TRPM1: variants seen among roughly 807,000 people sequenced by gnomAD.
TRPM1 encodes the protein transient receptor potential cation channel subfamily M member 1, also known as TRPM1-203 APA Isoform, Intron 10.
A neutral mutation model predicts 149.4 loss-of-function variants in TRPM1; 113 were observed. The ratio of observed to expected loss-of-function variants is 0.76; its 90% CI spans 0.65 to 0.88. The LOEUF is 0.88. Ranked by LOEUF, TRPM1 falls within the 40% of genes least tolerant of loss-of-function variation. The pLI, the probability that TRPM1 is intolerant of heterozygous loss-of-function variation, is 0.00. For synonymous variants in TRPM1, 741 were observed against 759.5 expected (o/e 0.98, Z 0.40); for missense variants, 1,976 against 2,038.7 (o/e 0.97, Z 0.59).
intron 20 of TRPM1, chr15:31,035,880 G>A (rs973219609): frequency 7.6e-6 from 5 of 657,586 alleles, no homozygotes; most frequent in African/African-American, 3.6e-5. Flanking sequence ...ACTTCAGCAC[G>A]ATATGGGCCC....
chr15:31,079,164 C>A (rs1398491703), intron 2 of TRPM1, among the ~76,000 whole-genome samples: 1 of 152,186 alleles, frequency 6.6e-6, no homozygotes, highest in East Asian at 1.9e-4. Context: ...CCTGTCTATA[C>A]ATATACACAT....
rs1047317832 is a variant in TRPM1, at chr15:31,041,886, C to T, written c.2087+65G>A. On this transcript the variant is annotated intron_variant, in intron 17 of 27. Coordinates refer to ENST00000256552, the MANE Select transcript of TRPM1 (RefSeq NM_001252024.2). Reference sequence around the variant, plus strand: ...GTGAGAAGTACATTGGCCACCCCTCCCTGCAGAGACAAGTACTCAGGATGG... The same window carrying T: ...GTGAGAAGTACATTGGCCACCCCTCTCTGCAGAGACAAGTACTCAGGATGG... 2.5e-6 allele frequency: 4 copies of T among 1,579,522 alleles called. No homozygotes were observed. The South Asian group carries it at 4.4e-5, about 17-fold the overall frequency.
intron 1 of TRPM1, among the ~76,000 whole-genome samples, chr15:31,113,697 A>C (rs1366857505): frequency 6.6e-6 from 1 of 152,012 alleles, no homozygotes; most frequent in African/African-American, 2.4e-5. Context: ...CTGTGCCCAT[A>C]GTTAGTTCAT....
intron 1 of TRPM1, among the ~76,000 whole-genome samples, chr15:31,085,752 G>A (rs1286956329): frequency 6.6e-6 from 1 of 152,150 alleles, no homozygotes; most frequent in Non-Finnish European, 1.5e-5. Context: ...AGTCAATTAG[G>A]AGAACAAAAC....
intron 1 of TRPM1, among the ~76,000 whole-genome samples, chr15:31,095,005 T>C (rs571481078): frequency 7.2e-5 from 11 of 152,370 alleles, no homozygotes; most frequent in African/African-American, 2.6e-4. Flanking sequence ...TTGTGGTATA[T>C]GTTATACAAA....
chr15:31,148,541 G>A (rs1444366477), intron 1 of TRPM1, among the ~76,000 whole-genome samples: 3 of 152,214 alleles, frequency 2.0e-5, no homozygotes, highest in Non-Finnish European at 4.4e-5. Flanking sequence ...CTCAGTGGAG[G>A]AGTGGCTTTG....
chr15:31,068,676 G>A (rs780737284), intron 4 of TRPM1, among the ~76,000 whole-genome samples: 25 of 149,316 alleles, frequency 1.7e-4, no homozygotes, highest in African/African-American at 4.7e-4. Flanking sequence ...CCTGGGAGGC[G>A]GAGGTTGCAG....
chr15:31,065,372 A>G (rs1197906981), intron 7 of TRPM1, among the ~76,000 whole-genome samples: 1 of 152,204 alleles, frequency 6.6e-6, no homozygotes, highest in African/African-American at 2.4e-5. Flanking sequence ...CTTGCCAGTA[A>G]TGGGAAAAAC....
intron 1 of TRPM1, among the ~76,000 whole-genome samples, chr15:31,143,173 A>G (rs1260771848): frequency 1.3e-5 from 2 of 152,226 alleles, no homozygotes; most frequent in Non-Finnish European, 2.9e-5. Flanking sequence ...GAAGTCTAAC[A>G]AGTATAGGCT....
upstream of TRPM1, among the ~76,000 whole-genome samples, chr15:31,104,777 A>G (rs563869470): frequency 1.6e-4 from 25 of 151,650 alleles, no homozygotes; most frequent in South Asian, 3.6e-3. Flanking sequence ...TGTATTTTTA[A>G]TAGAGACTGG....
intron 1 of TRPM1, among the ~76,000 whole-genome samples, chr15:31,143,507 T>C (rs12148297): frequency 0.17 from 25,507 of 151,954 alleles, 2,609 homozygotes; most frequent in African/African-American, 0.29. Flanking sequence ...CTGTAACCTC[T>C]GCCTCCAAGC....
intron 27 of TRPM1, among the ~76,000 whole-genome samples, chr15:31,005,639 T>G (rs1344287425): frequency 6.6e-6 from 1 of 152,218 alleles, no homozygotes; most frequent in Non-Finnish European, 1.5e-5. Flanking sequence ...AGCTACAACG[T>G]GGATACAGCA....
chr15:31,135,031 C>T (rs1446429177), intron 1 of TRPM1, among the ~76,000 whole-genome samples: 1 of 152,122 alleles, frequency 6.6e-6, no homozygotes, highest in Non-Finnish European at 1.5e-5. Context: ...GGCTCAACTC[C>T]CTGGTTATCC....
intron 1 of TRPM1, among the ~76,000 whole-genome samples, chr15:31,112,883 A>C (rs562464149): frequency 6.6e-6 from 1 of 152,294 alleles, no homozygotes; most frequent in African/African-American, 2.4e-5. Flanking sequence ...GCATTCCTCA[A>C]ACTCATTTGC....
intron 27 of TRPM1, among the ~76,000 whole-genome samples, chr15:31,010,611 T>C (rs1396800466): frequency 1.3e-5 from 2 of 152,242 alleles, no homozygotes; most frequent in African/African-American, 4.8e-5. Flanking sequence ...TAATTTATCA[T>C]TTTATTTTGT....
Position 31,050,567 on chromosome 15 carries a change from C to G in TRPM1, c.1279G>C (p.Ala427Pro). Residue 427 changes from alanine (A) to proline (P), a missense_variant, in exon 12 of 28, where the codon GCA becomes CCA. This residue lies in a region of TRPM1 where 1,332 missense variants were observed against 1,347.1 expected (regional missense o/e 0.99). Transcript: ENST00000256552. ...GTGGCTTTGCTGTCCGTCGGGGGTG[C>G]CAGGCTTCCCAGGGGCTGCAGTCCA... ...GPHWPPLGSL[A>P]PPTDSKATEK... The G allele has an allele frequency of 1.2e-6, 2 of 1,614,072 alleles. No homozygotes were observed.
chr15:31,126,363 G>A (rs1342111280), intron 1 of TRPM1, among the ~76,000 whole-genome samples: 1 of 152,190 alleles, frequency 6.6e-6, no homozygotes, highest in Non-Finnish European at 1.5e-5. Flanking sequence ...GGAAGCCACT[G>A]CGAAACTCCC....
At chr15:31,096,310 A>T (rs1002629124) in intron 1 of TRPM1, among the ~76,000 whole-genome samples, 2 of 152,204 alleles carry the variant, frequency 1.3e-5, no homozygotes, top group Non-Finnish European at 2.9e-5. Context: ...CTATGTGCAG[A>T]CATCTTATAC....
intron 27 of TRPM1, among the ~76,000 whole-genome samples, chr15:31,014,149 G>A (rs1401095545): frequency 6.6e-6 from 1 of 152,138 alleles, no homozygotes; most frequent in Non-Finnish European, 1.5e-5. Context: ...AAGCTCTTAT[G>A]GACATCAGTT....
Sources: allele counts gnomAD v4.1 joint callset (sites outside exome capture counted in the v4.1 genomes callset), GRCh38; gene constraint gnomAD v4.1.1; regional missense constraint gnomAD v4.1.1; transcripts MANE v1.5; gene names NCBI Gene and HGNC (gene_info 2026-07-23, HGNC 2026-07-21).